The following RORA variants were observed in gnomAD, a reference collection of about 807,000 sequenced individuals.
RORA encodes the protein RAR related orphan receptor A, also known as nuclear receptor ROR-alpha.
A neutral mutation model predicts 69.5 loss-of-function variants in RORA; 7 were observed. The observed-to-expected ratio is 0.10, with a 90% CI of 0.06 to 0.19. RORA has a LOEUF of 0.19. RORA is among the 10% of genes least tolerant of loss of function. The pLI, the probability that RORA is intolerant of heterozygous loss-of-function variation, is 1.00. For synonymous variants in RORA, 261 were observed against 240.8 expected (o/e 1.08, Z -0.78); for missense variants, 457 against 663.0 (o/e 0.69, Z 3.41).
chr15:60,519,261 C>T (rs1471361570), intron 3 of RORA, among the ~76,000 whole-genome samples: 24 of 151,908 alleles, frequency 1.6e-4, no homozygotes, highest in Admixed American at 1.5e-3. Context: ...ATTAAAACAG[C>T]ACTGACTTCA....
intron 1 of RORA, among the ~76,000 whole-genome samples, chr15:61,190,158 C>T (rs566334793): frequency 1.2e-4 from 16 of 134,106 alleles, no homozygotes; most frequent in Admixed American, 3.2e-4. Context: ...TACTTTTCTC[C>T]GTCAATTAGT....
intron 1 of RORA, among the ~76,000 whole-genome samples, chr15:60,710,795 C>G (rs541858683): frequency 1.3e-5 from 2 of 152,188 alleles, no homozygotes; most frequent in Non-Finnish European, 2.9e-5. Flanking sequence ...GCTCTGCTTA[C>G]TACACTGGTC....
intron 1 of RORA, among the ~76,000 whole-genome samples, chr15:61,017,915 G>A (rs1047776306): frequency 3.9e-5 from 6 of 152,096 alleles, no homozygotes; most frequent in Non-Finnish European, 7.3e-5. Context: ...CGGGGTGAGC[G>A]GAAGTTTACC....
intron 1 of RORA, among the ~76,000 whole-genome samples, chr15:60,863,402 A>C (rs1475911581): frequency 1.3e-5 from 2 of 152,162 alleles, no homozygotes; most frequent in South Asian, 4.1e-4. Flanking sequence ...ATTTTACTTA[A>C]TTTTCCTCTG....
chr15:61,016,602 G>A (rs976820885), intron 1 of RORA, among the ~76,000 whole-genome samples: 4 of 152,044 alleles, frequency 2.6e-5, no homozygotes, highest in African/African-American at 9.7e-5. Context: ...ACGAGCTTTG[G>A]GTCCCATGAC....
At chr15:61,149,991 A>C (rs1287385856) in intron 1 of RORA, among the ~76,000 whole-genome samples, 1 of 152,242 alleles carries the variant, frequency 6.6e-6, no homozygotes, top group Non-Finnish European at 1.5e-5. Context: ...ACAGGAGGCA[A>C]GAACCAAACA....
chr15:61,210,810 A>T (rs2079984401), intron 1 of RORA, among the ~76,000 whole-genome samples: 1 of 152,232 alleles, frequency 6.6e-6, no homozygotes, highest in African/African-American at 2.4e-5. Context: ...ATTCTTACAG[A>T]TCCATAGCAT....
Position 61,044,285 on chromosome 15 carries a change from C to A in RORA, c.166+184768G>T, listed in dbSNP as rs547809744. Among the ~76,000 whole-genome samples the A allele has an allele frequency of 9.2e-4, 140 of 152,318 alleles. 1 individual carries two copies. The highest frequency in any genetic ancestry group is 1.5e-3 in the Non-Finnish European group (99 of 68,024). On this transcript the variant is annotated intron_variant, in intron 1 of 10. Coordinates refer to ENST00000335670, the MANE Select transcript of RORA (RefSeq NM_134261.3). ...GAGGAGGCCACGTGGCCCTGTAACCCAAATGCCAGGCCCTTGGTATCACCT... is the reference window on the plus strand; with the variant it reads ...GAGGAGGCCACGTGGCCCTGTAACCAAAATGCCAGGCCCTTGGTATCACCT...
chr15:60,907,689 G>A (rs1490267735), intron 1 of RORA, among the ~76,000 whole-genome samples: 1 of 152,164 alleles, frequency 6.6e-6, no homozygotes, highest in Admixed American at 6.5e-5. Flanking sequence ...GCCCTGGGCT[G>A]AGGATGCCCA....
intron 1 of RORA, among the ~76,000 whole-genome samples, chr15:60,888,906 C>T (rs2073781055): frequency 7.2e-6 from 1 of 139,004 alleles, no homozygotes; most frequent in Non-Finnish European, 1.6e-5. Flanking sequence ...CACATTCCTG[C>T]TCCGAGGAGT....
rs142455641 is a variant in RORA at position 60,777,281 on chromosome 15, A to C, written c.167-98595T>G. ...ATAAGACCCGGAACATTAGCTCAGG[A>C]AGAAACACGGATACGGAGAAATCAC... On this transcript the variant is annotated intron_variant, in intron 1 of 10. Transcript: ENST00000335670. Among the ~76,000 whole-genome samples the C allele has an allele frequency of 6.5e-3, 983 of 152,322 alleles. 11 individuals carry two copies. The highest frequency in any genetic ancestry group is 0.023 in the African/African-American group (944 of 41,558).
At chr15:61,126,083 A>C (rs1371687194) in intron 1 of RORA, among the ~76,000 whole-genome samples, 1 of 152,190 alleles carries the variant, frequency 6.6e-6, no homozygotes, top group Non-Finnish European at 1.5e-5. Context: ...TTTTCTTTAA[A>C]AAGCTCCTCC....
chr15:60,612,273 T>C (rs1231467169), intron 2 of RORA, among the ~76,000 whole-genome samples: 10 of 150,370 alleles, frequency 6.7e-5, no homozygotes, highest in Non-Finnish European at 1.2e-4. Flanking sequence ...CCCTGTGCCC[T>C]TGTCCAATGC....
intron 1 of RORA, among the ~76,000 whole-genome samples, chr15:61,037,590 G>C (rs990608262): frequency 1.1e-4 from 17 of 152,152 alleles, no homozygotes; most frequent in African/African-American, 3.9e-4. Flanking sequence ...CACCAGTCTA[G>C]GAAGAGATGA....
intron 1 of RORA, among the ~76,000 whole-genome samples, chr15:60,831,253 T>C (rs542089382): frequency 6.6e-6 from 1 of 152,314 alleles, no homozygotes; most frequent in East Asian, 1.9e-4. Flanking sequence ...CTATTGAAAC[T>C]TCTAATGAGG....
At chr15:61,111,950 T>C (rs942533113) in intron 1 of RORA, among the ~76,000 whole-genome samples, 4 of 152,214 alleles carry the variant, frequency 2.6e-5, no homozygotes, top group Non-Finnish European at 5.9e-5. Flanking sequence ...TCAACTAATT[T>C]ATCGAGCAAC....
At chr15:61,210,977 C>T (rs2079985906) in intron 1 of RORA, among the ~76,000 whole-genome samples, 2 of 152,234 alleles carry the variant, frequency 1.3e-5, no homozygotes, top group South Asian at 2.1e-4. Context: ...AGCCGGAGAA[C>T]TCCCGAAGGT....
intron 2 of RORA, among the ~76,000 whole-genome samples, chr15:60,621,144 C>T (rs1406889783): frequency 6.6e-6 from 1 of 152,148 alleles, no homozygotes; most frequent in African/African-American, 2.4e-5. Context: ...TAAGATGTTC[C>T]TAAGAAGAAC....
intron 1 of RORA, among the ~76,000 whole-genome samples, chr15:60,923,047 A>C (rs998027890): frequency 6.6e-6 from 1 of 152,232 alleles, no homozygotes; most frequent in African/African-American, 2.4e-5. Context: ...ATTAAGGTGA[A>C]AGTAAAGCAG....
Sources: gnomAD v4.1 joint callset for allele counts (sites outside exome capture counted in the v4.1 genomes callset) on GRCh38, gnomAD v4.1.1 for gene constraint, MANE v1.5 for transcripts, NCBI Gene and HGNC (gene_info 2026-07-23, HGNC 2026-07-21) for gene names.